MASP1: variants seen among roughly 807,000 people sequenced by gnomAD.
MASP1 encodes mannan-binding lectin serine protease 1.
MASP1 carries 59 observed loss-of-function variants against 77.1 expected under a neutral mutation model. That is an observed-to-expected ratio of 0.77 (90% CI 0.62 to 0.95). MASP1 has a LOEUF of 0.95. Ranked by LOEUF, MASP1 falls within the 40% of genes least tolerant of loss-of-function variation. The pLI is 0.00. For missense variants in MASP1, 885 were observed against 912.9 expected (o/e 0.97, Z 0.39); for synonymous variants, 362 against 354.5 (o/e 1.02, Z -0.24).
rs369623456 is a variant in MASP1, at chr3:187,250,478, G to T, written c.1012-149C>A. The T allele has an allele frequency of 4.9e-4, 359 of 739,460 alleles. 4 individuals are homozygous for T. In the South Asian group the frequency reaches 5.1e-3, roughly 10 times the overall value. The allele number at this position is 739,460 out of a possible 1,614,324, so 45.8% of individuals were successfully genotyped here. ...TGGGCTTCCAAGGGTGAGCTTGAAG[G>T]TAGGGGAAAGATACATGCTGAATTC... On this transcript the variant is annotated intron_variant, in intron 7 of 10. Transcript: ENST00000296280.
chr3:187,223,173 C>A (rs1172846082), exon 14 of MASP1: 6 of 1,614,168 alleles, frequency 3.7e-6, no homozygotes, highest in Non-Finnish European at 5.1e-6. Context: ...CTTCCCCCAG[C>A]CGCTGACGAT....
intron 2 of MASP1, among the ~76,000 whole-genome samples, chr3:187,268,220 A>G (rs1221905387): frequency 1.3e-5 from 2 of 152,202 alleles, no homozygotes; most frequent in Non-Finnish European, 2.9e-5. Flanking sequence ...GATGCCTCAT[A>G]CCTGTAATCT....
At chr3:187,237,701 C>A (rs1713296062) in intron 10 of MASP1, among the ~76,000 whole-genome samples, 1 of 152,266 alleles carries the variant, frequency 6.6e-6, no homozygotes, top group South Asian at 2.1e-4. Flanking sequence ...CAGGCCCCCG[C>A]TGGCTAAGAA....
At chr3:187,227,128 T>C (rs1712484840) in intron 11 of MASP1, among the ~76,000 whole-genome samples, 1 of 152,246 alleles carries the variant, frequency 6.6e-6, no homozygotes, top group African/African-American at 2.4e-5. Context: ...AGACCATTTA[T>C]GTCATGGGGG....
chr3:187,220,121 T>C, exon 16 of MASP1: 1 of 1,614,104 alleles, frequency 6.2e-7, no homozygotes, highest in African/African-American at 1.3e-5. Context: ...TTGTGGTGGA[T>C]GTAAGAGTAT....
At chr3:187,249,635 T>G (rs779754731) in intron 8 of MASP1, among the ~76,000 whole-genome samples, 51 of 152,218 alleles carry the variant, frequency 3.4e-4, no homozygotes, top group Admixed American at 9.2e-4. Context: ...CTGGCACATA[T>G]TCTAAAATAT....
chr3:187,226,161 T>A, intron 12 of MASP1: 1 of 521,788 alleles, frequency 1.9e-6, no homozygotes, highest in East Asian at 3.5e-5. Context: ...CTTTGGAAAT[T>A]ATCTAGAGGC....
chr3:187,255,849 G>A (rs543552727), intron 5 of MASP1, among the ~76,000 whole-genome samples: 10 of 150,178 alleles, frequency 6.7e-5, no homozygotes, highest in Non-Finnish European at 1.3e-4. Context: ...TTTTTTCTAG[G>A]ACATCCCGCC....
chr3:187,254,355 G>A (rs1714888438), intron 5 of MASP1, among the ~76,000 whole-genome samples: 1 of 152,166 alleles, frequency 6.6e-6, no homozygotes, highest in Non-Finnish European at 1.5e-5. Flanking sequence ...TCTGAGATAT[G>A]TAGGATGAGT....
Position 187,235,088 on chromosome 3 carries a change from T to C in MASP1, c.*596A>G. 1 of 1,287,290 alleles carries C rather than the reference T, an allele frequency of 7.8e-7. No homozygotes were observed. Among genetic ancestry groups the C allele is most frequent in the South Asian group, 1.2e-5 (1 of 80,934 alleles). 79.7% of individuals were successfully genotyped at this position (1,287,290 alleles called of 1,614,324 possible). On this transcript the variant is annotated 3_prime_UTR_variant, in exon 11 of 11. Coordinates refer to ENST00000296280, the MANE Select transcript of MASP1 (RefSeq NM_139125.4). ...GATAAGGCTTAGACTGCAAGAAGCTTTTGGGAGAGAAACCCCAGGCATGAA... is the reference window on the plus strand; with the variant it reads ...GATAAGGCTTAGACTGCAAGAAGCTCTTGGGAGAGAAACCCCAGGCATGAA...
At chr3:187,250,519 A>G (rs1048733069) in intron 7 of MASP1, among the ~76,000 whole-genome samples, 190 bp from the exon 8 acceptor site, 1 of 151,966 alleles carries the variant, frequency 6.6e-6, no homozygotes, top group Middle Eastern at 3.4e-3. Flanking sequence ...TCCTTTTCAT[A>G]CTCTGGAGAG....
Position 187,227,029 on chromosome 3 carries a change from T to C in MASP1, c.1442-509A>G, listed in dbSNP as rs1712476393. ...TTTGTATGCATATTAAAGTTTAAAA[T>C]TGATGAATCCGAAGCTACCTACACT... On this transcript the variant is annotated intron_variant, in intron 11 of 15. Transcript: ENST00000337774. 2.0e-5 allele frequency among the ~76,000 whole-genome samples: 3 copies of C among 152,342 alleles called. No homozygotes were observed. In the South Asian group the frequency reaches 6.2e-4, roughly 32 times the overall value.
In MASP1 at chr3:187,262,713, G is replaced by A; in HGVS notation, c.245C>T (p.Thr82Ile). ...GAAGGTTGCCAGCACCTGGTCCTCA[G>A]TTTCTACCTTTGAGGTCAAAGAGAA... ...LCEYDYVKVE[T>I]EDQVLATFCG... The change falls in exon 3 of 11, where the codon ACT becomes ATT. Residue 82 changes from threonine to isoleucine, a missense_variant. Thr to Ile is a moderately conservative substitution (Grantham distance 89, BLOSUM62 -1). Transcript: ENST00000296280. 1.9e-6 allele frequency: 3 copies of A among 1,614,020 alleles called. No individual in the cohort carries two copies. Among genetic ancestry groups the A allele is most frequent in the South Asian group, 1.1e-5 (1 of 91,070 alleles).
intron 8 of MASP1, chr3:187,246,557 ATG>A (rs1184108788): frequency 1.0e-6 from 1 of 985,554 alleles, no homozygotes; most frequent in African/African-American, 1.7e-5. Flanking sequence ...GTGTGTCCAG[ATG>A]TTCAGACGGA....
At chr3:187,291,123 T>G (rs887627241) in intron 1 of MASP1, 5 of 178,154 alleles carry the variant, frequency 2.8e-5, no homozygotes, top group Non-Finnish European at 4.9e-5. Flanking sequence ...ATTTTTAGTT[T>G]TCTAAATTGA....
At chr3:187,240,072 C>A (rs187513008) in intron 10 of MASP1, among the ~76,000 whole-genome samples, 1 of 151,876 alleles carries the variant, frequency 6.6e-6, no homozygotes, top group Admixed American at 6.6e-5. Flanking sequence ...TGCCTGCCAC[C>A]GTGTAAGATG....
chr3:187,246,665 G>T lies in MASP1; in HGVS notation c.1091-3044C>A, dbSNP rs1006655409. 17 of 988,916 alleles carry T rather than the reference G, an allele frequency of 1.7e-5. 1 individual carries two copies. The East Asian group carries it at 1.8e-3, about 105-fold the overall frequency. 61.3% of individuals were successfully genotyped at this position (988,916 alleles called of 1,614,324 possible). On this transcript the variant is annotated intron_variant, in intron 8 of 10. Coordinates refer to ENST00000296280, the MANE Select transcript of MASP1 (RefSeq NM_139125.4). ...ACAGAGCTGGGACCACTGCTTTCAGGTGTGATCCTATCTTTTTAAAATTTT... is the reference window on the plus strand; with the variant it reads ...ACAGAGCTGGGACCACTGCTTTCAGTTGTGATCCTATCTTTTTAAAATTTT...
At chr3:187,269,526 C>A (rs999168551) in intron 2 of MASP1, among the ~76,000 whole-genome samples, 1 of 152,074 alleles carries the variant, frequency 6.6e-6, no homozygotes, top group African/African-American at 2.4e-5. Context: ...AGCTAAGAAG[C>A]CAGAGGCAGA....
At chr3:187,233,407 C>T (rs982339976), downstream of MASP1, among the ~76,000 whole-genome samples, 1 of 152,208 alleles carries the variant, frequency 6.6e-6, no homozygotes, top group Non-Finnish European at 1.5e-5. Context: ...CCCCTTCCCT[C>T]CTATCTCCCA....
Sources: gnomAD v4.1 joint callset for allele counts (sites outside exome capture counted in the v4.1 genomes callset) on GRCh38, gnomAD v4.1.1 for gene constraint, MANE v1.5 for transcripts, NCBI Gene and HGNC (gene_info 2026-07-23, HGNC 2026-07-21) for gene names.